The following AGBL4 variants were observed in gnomAD, a reference collection of about 807,000 sequenced individuals.
AGBL4 encodes the protein AGBL carboxypeptidase 4, also known as cytosolic carboxypeptidase 6.
Under a neutral mutation model 66.4 loss-of-function variants are expected in AGBL4, and 58 were observed. The observed-to-expected ratio is 0.87, with a 90% CI of 0.71 to 1.09. The LOEUF (loss-of-function observed/expected upper bound fraction) is 1.09. Among genes scored for constraint, AGBL4 ranks in the 50% least tolerant of loss-of-function variants. AGBL4 has a pLI of 0.00. For synonymous variants in AGBL4, 234 were observed against 222.9 expected (o/e 1.05, Z -0.44); for missense variants, 579 against 631.0 (o/e 0.92, Z 0.88).
intron 2 of AGBL4, among the ~76,000 whole-genome samples, chr1:49,832,981 G>T (rs1340723240): frequency 6.6e-6 from 1 of 151,852 alleles, no homozygotes; most frequent in Admixed American, 6.6e-5. Context: ...TTGCTGTGCA[G>T]AAGCTCTTTA....
intron 2 of AGBL4, among the ~76,000 whole-genome samples, chr1:49,746,518 G>A (rs1650998624): frequency 1.3e-5 from 2 of 151,832 alleles, no homozygotes; most frequent in South Asian, 4.1e-4. Context: ...TCCATGAATG[G>A]CTTTTTACAT....
intron 6 of AGBL4, among the ~76,000 whole-genome samples, chr1:48,731,517 A>ACAG (rs1208655620): frequency 6.6e-6 from 1 of 152,216 alleles, no homozygotes; most frequent in Non-Finnish European, 1.5e-5. Context: ...AAGATGAATG[A>ACAG]CAGCAGCATC....
At position 48,539,701 on chromosome 1, in the gene AGBL4, CA is replaced by C; in HGVS notation, c.1304del (p.Leu435TrpfsTer6). On this transcript the variant is annotated frameshift_variant, in exon 12 of 14. Transcript: ENST00000371839. LOFTEE classifies it high-confidence loss of function. ...KLGRNVARTF[L>X]DYYRLNPVVE... Reference sequence around the variant, plus strand: ...CCACGGGGTTCAGCCGATAATAGTCCAAAAAGGTTCTTGCCACATTCCGCCC... The same window carrying C: ...CCACGGGGTTCAGCCGATAATAGTCCAAAAGGTTCTTGCCACATTCCGCCC... 1.9e-6 allele frequency: 3 copies of C among 1,544,266 alleles called. No individual in the cohort carries two copies. The highest frequency in any genetic ancestry group is 1.2e-5 in the South Asian group (1 of 83,156).
chr1:48,898,337 T>C (rs1215410287), intron 5 of AGBL4, among the ~76,000 whole-genome samples: 1 of 152,234 alleles, frequency 6.6e-6, no homozygotes, highest in Non-Finnish European at 1.5e-5. Flanking sequence ...TTTTGCTTTG[T>C]TGTCTGTGCT....
intron 3 of AGBL4, among the ~76,000 whole-genome samples, chr1:49,314,104 A>G (rs888413303): frequency 1.1e-4 from 17 of 152,044 alleles, no homozygotes; most frequent in African/African-American, 3.6e-4. Flanking sequence ...AGTTTTCCCA[A>G]CACCATCGAT....
intron 4 of AGBL4, among the ~76,000 whole-genome samples, chr1:49,121,059 G>A (rs1645642825): frequency 6.6e-6 from 1 of 152,112 alleles, no homozygotes; most frequent in South Asian, 2.1e-4. Context: ...GCTCCATCAG[G>A]TCATTTCAGG....
At chr1:48,806,113 G>C (rs763441271) in intron 6 of AGBL4, among the ~76,000 whole-genome samples, 8 of 152,122 alleles carry the variant, frequency 5.3e-5, no homozygotes, top group Non-Finnish European at 1.0e-4. Context: ...AGGATGGAAA[G>C]GTATGAGATT....
intron 6 of AGBL4, among the ~76,000 whole-genome samples, chr1:48,861,665 C>T (rs1299599376): frequency 6.6e-6 from 1 of 152,186 alleles, no homozygotes; most frequent in Admixed American, 6.5e-5. Flanking sequence ...CAGGCTTTCC[C>T]AGTGACTTTC....
chr1:49,809,136 TC>T (rs1308734068), intron 2 of AGBL4, among the ~76,000 whole-genome samples: 1 of 152,170 alleles, frequency 6.6e-6, no homozygotes, highest in Non-Finnish European at 1.5e-5. Flanking sequence ...GGAAAATTCT[TC>T]CCTTGTAGCA....
chr1:49,258,625 A>G (rs1652783391), intron 3 of AGBL4, among the ~76,000 whole-genome samples: 1 of 152,146 alleles, frequency 6.6e-6, no homozygotes, highest in Non-Finnish European at 1.5e-5. Context: ...AAAAAGAAAC[A>G]AACAAAGCCT....
chr1:48,567,636 T>C (rs758113248), intron 11 of AGBL4, among the ~76,000 whole-genome samples: 11 of 152,044 alleles, frequency 7.2e-5, no homozygotes, highest in Non-Finnish European at 1.3e-4. Context: ...AATGCAAAGG[T>C]ACAACACTGG....
intron 5 of AGBL4, among the ~76,000 whole-genome samples, chr1:48,917,078 G>A (rs991767732): frequency 6.6e-6 from 1 of 152,086 alleles, no homozygotes; most frequent in Non-Finnish European, 1.5e-5. Flanking sequence ...TCATTTTGGG[G>A]AGATGCAATC....
At chr1:49,198,017 C>T (rs1215360507) in intron 4 of AGBL4, among the ~76,000 whole-genome samples, 1 of 152,136 alleles carries the variant, frequency 6.6e-6, no homozygotes, top group African/African-American at 2.4e-5. Context: ...TCTGGGAAAA[C>T]ATTTGGTGTG....
intron 3 of AGBL4, among the ~76,000 whole-genome samples, chr1:49,455,674 T>C (rs1646372003): frequency 1.3e-5 from 2 of 151,626 alleles, no homozygotes; most frequent in South Asian, 4.1e-4. Context: ...TAGTTTCACA[T>C]TATGTTTAGA....
chr1:48,543,439 C>T (rs1369651889), intron 11 of AGBL4, among the ~76,000 whole-genome samples: 2 of 152,132 alleles, frequency 1.3e-5, no homozygotes, highest in African/African-American at 2.4e-5. Flanking sequence ...TCTACCCGTC[C>T]ATCCATCCAA....
chr1:49,907,224 CTATA>C (rs1650364739), intron 1 of AGBL4, among the ~76,000 whole-genome samples: 1 of 152,008 alleles, frequency 6.6e-6, no homozygotes, highest in African/African-American at 2.4e-5. Context: ...ATAATAGATG[CTATA>C]TAAAGAACAG....
intron 4 of AGBL4, among the ~76,000 whole-genome samples, chr1:49,132,097 G>C (rs1645909273): frequency 6.6e-6 from 1 of 152,052 alleles, no homozygotes; most frequent in Admixed American, 6.6e-5. Flanking sequence ...AATTAGCGAA[G>C]GGAGAGGAAC....
intron 4 of AGBL4, among the ~76,000 whole-genome samples, chr1:49,240,372 G>A (rs146273074): frequency 6.6e-6 from 1 of 151,904 alleles, no homozygotes; most frequent in African/African-American, 2.4e-5. Context: ...TCATCCACAT[G>A]ACCTGGCTTG....
At chr1:49,691,017 T>TTGATGATGA (rs145089479) in intron 3 of AGBL4, among the ~76,000 whole-genome samples, 1 of 151,886 alleles carries the variant, frequency 6.6e-6, no homozygotes, top group Non-Finnish European at 1.5e-5. Context: ...TACATTTTGC[T>TTGATGATGA]TGATGATGAT....
Sources: allele counts gnomAD v4.1 joint callset (sites outside exome capture counted in the v4.1 genomes callset), GRCh38; gene constraint gnomAD v4.1.1; transcripts MANE v1.5; gene names NCBI Gene and HGNC (gene_info 2026-07-23, HGNC 2026-07-21).